The following PCSK6 variants were observed in gnomAD, a reference collection of about 807,000 sequenced individuals.
The protein encoded by PCSK6 is paired basic amino acid cleaving enzyme 4.
In PCSK6, 85 loss-of-function variants were observed where a neutral mutation model predicts 123.3. The observed-to-expected ratio is 0.69, with a 90% confidence interval of 0.58 to 0.83. The LOEUF is 0.83. Ranked by LOEUF, PCSK6 falls within the 40% of genes least tolerant of loss-of-function variation. The probability of loss-of-function intolerance (pLI) is 0.00; values close to 1 mark genes in which losing one functional copy is unlikely to be tolerated. For synonymous variants in PCSK6, 508 were observed against 516.0 expected, an observed-to-expected ratio of 0.98 and a Z score of 0.21; for missense variants, 1,191 against 1,282.3, an observed-to-expected ratio of 0.93 and a Z score of 1.09.
intron 13 of PCSK6, among the ~76,000 whole-genome samples, chr15:101,338,567 C>A (rs1433946303): frequency 6.6e-6 from 1 of 152,252 alleles, no homozygotes; most frequent in Non-Finnish European, 1.5e-5. Flanking sequence ...CACCCAGAGG[C>A]AGTCAGATTT....
At chr15:101,424,076 T>C (rs557936286) in intron 6 of PCSK6, among the ~76,000 whole-genome samples, 1 of 151,016 alleles carries the variant, frequency 6.6e-6, no homozygotes, top group Non-Finnish European at 1.5e-5. Flanking sequence ...AAGGTGTGTG[T>C]TTTTTTTAAT....
At chr15:101,476,613 TCTG>T (rs1433047262) in intron 1 of PCSK6, among the ~76,000 whole-genome samples, 1 of 150,762 alleles carries the variant, frequency 6.6e-6, no homozygotes, top group Non-Finnish European at 1.5e-5. Context: ...TGCGCACGTA[TCTG>T]TCTGTTAAGG....
intron 6 of PCSK6, among the ~76,000 whole-genome samples, chr15:101,417,246 C>T (rs530697892): frequency 1.1e-4 from 16 of 152,316 alleles, no homozygotes; most frequent in Non-Finnish European, 1.9e-4. Flanking sequence ...ATGATTCTGA[C>T]GCCTCCCCAG....
chr15:101,450,298 C>A (rs2057000845), intron 1 of PCSK6, among the ~76,000 whole-genome samples: 1 of 152,170 alleles, frequency 6.6e-6, no homozygotes, highest in African/African-American at 2.4e-5. Flanking sequence ...AGCCACAGGC[C>A]TGGCCCTGCC....
At chr15:101,359,755 G>A (rs778878076) in intron 13 of PCSK6, among the ~76,000 whole-genome samples, 7 of 152,236 alleles carry the variant, frequency 4.6e-5, no homozygotes, top group Non-Finnish European at 8.8e-5. Flanking sequence ...CCTAAAGCTC[G>A]CTCAGCACCC....
chr15:101,411,147 C>G (rs2055667904), intron 6 of PCSK6, among the ~76,000 whole-genome samples: 1 of 152,186 alleles, frequency 6.6e-6, no homozygotes, highest in Non-Finnish European at 1.5e-5. Flanking sequence ...AAGCAGAGGG[C>G]ATCAGGTAGC....
chr15:101,388,831 A>C (rs144246312), intron 9 of PCSK6, among the ~76,000 whole-genome samples: 8 of 152,360 alleles, frequency 5.3e-5, no homozygotes, highest in Non-Finnish European at 1.0e-4. Flanking sequence ...CACTTACATG[A>C]GGCACCTAAA....
At chr15:101,444,261 C>T (rs556079144) in intron 1 of PCSK6, among the ~76,000 whole-genome samples, 221 of 152,278 alleles carry the variant, frequency 1.5e-3, no homozygotes, top group African/African-American at 4.1e-3. Flanking sequence ...GCTTGAGGAC[C>T]GGATGGAACC....
intron 13 of PCSK6, 141 bp from the exon 14 acceptor site, chr15:101,332,172 C>T: frequency 2.8e-6 from 2 of 703,256 alleles, no homozygotes; most frequent in Non-Finnish European, 4.6e-6. Flanking sequence ...ACCTGCTGGC[C>T]AGCTGTGCAC....
At chr15:101,307,540 G>A (rs1424901943) in intron 20 of PCSK6, 1 of 512,514 alleles carries the variant, frequency 2.0e-6, no homozygotes, top group South Asian at 2.4e-5. Flanking sequence ...TGGGAGGGCA[G>A]AGACAGCCAT....
At position 101,487,949 on chromosome 15, in the gene PCSK6, T is replaced by TTA. The variant is rs139967509; in HGVS notation, c.297+1423_297+1424dup. On this transcript the variant is annotated intron_variant, in intron 1 of 21. Coordinates refer to ENST00000611716, the MANE Select transcript of PCSK6 (RefSeq NM_002570.5). ...TGTATATGTGTATATATGTAACATT[T>TTA]TATATATATATATGCATATATTTAA... is the stretch of plus-strand genomic sequence containing the variant. 7.6e-3 allele frequency among the ~76,000 whole-genome samples: 1,160 copies of TTA among 151,880 alleles called. 25 individuals carry two copies. Among genetic ancestry groups the TTA allele is most frequent in the African/African-American group, 0.026 (1,087 of 41,450 alleles).
intron 11 of PCSK6, among the ~76,000 whole-genome samples, chr15:101,374,714 G>A (rs2041683910): frequency 6.6e-6 from 1 of 152,216 alleles, no homozygotes; most frequent in African/African-American, 2.4e-5. Flanking sequence ...GGAGTGAATG[G>A]AATGGCAAGA....
chr15:101,390,790 G>T (rs746516602), intron 8 of PCSK6, among the ~76,000 whole-genome samples: 4 of 152,200 alleles, frequency 2.6e-5, no homozygotes, highest in Non-Finnish European at 4.4e-5. Context: ...GAGACTCAAA[G>T]CAGAGACTCG....
At chr15:101,307,944 G>T (rs370796241) in intron 20 of PCSK6, 1 of 152,730 alleles carries the variant, frequency 6.5e-6, no homozygotes, top group African/African-American at 2.4e-5. Context: ...CTCAGGGGAC[G>T]GTTGGTGCAC....
chr15:101,304,247 C>T lies in PCSK6; in HGVS notation c.*1011G>A, dbSNP rs1359152414. On this transcript the variant is annotated 3_prime_UTR_variant, in exon 22 of 22. Coordinates refer to ENST00000611716, the MANE Select transcript of PCSK6 (RefSeq NM_002570.5). ...TTAGAACATGTAGCTTATAAAATGC[C>T]TACACAGGTTTGGCAGAATAAATCC... is the stretch of plus-strand genomic sequence containing the variant. 3.3e-5 allele frequency: 5 copies of T among 152,518 alleles called. No homozygotes were observed. Among genetic ancestry groups the T allele is most frequent in the African/African-American group, 1.2e-4 (5 of 41,430 alleles). 9.4% of individuals were successfully genotyped at this position (152,518 alleles called of 1,614,324 possible). A position where few individuals can be genotyped will look rare whatever the true frequency, so the allele number is the denominator to read the frequency against.
intron 13 of PCSK6, among the ~76,000 whole-genome samples, chr15:101,341,244 TG>T (rs771745586): frequency 5.7e-5 from 7 of 122,568 alleles, no homozygotes; most frequent in East Asian, 2.6e-4. Context: ...GCCAAAAGTG[TG>T]GGGTTTTTTT....
At chr15:101,489,304 G>C in intron 1 of PCSK6, 70 bp downstream of exon 1, 6 of 979,226 alleles carry the variant, frequency 6.1e-6, no homozygotes, top group Non-Finnish European at 7.4e-6. Flanking sequence ...CAGGACTGCG[G>C]AGGCGCCCCC....
intron 1 of PCSK6, among the ~76,000 whole-genome samples, chr15:101,477,429 A>G (rs1175579210): frequency 6.6e-6 from 1 of 152,230 alleles, no homozygotes; most frequent in Non-Finnish European, 1.5e-5. Context: ...AAAATCTAAA[A>G]TAATTGGAAC....
At chr15:101,413,447 T>C (rs1447741438) in intron 6 of PCSK6, among the ~76,000 whole-genome samples, 2 of 149,624 alleles carry the variant, frequency 1.3e-5, no homozygotes, top group Non-Finnish European at 3.0e-5. Flanking sequence ...AGTGTTCAAG[T>C]AACCCACAGG....
Sources: gnomAD v4.1 joint callset for allele counts (sites outside exome capture counted in the v4.1 genomes callset) on GRCh38, gnomAD v4.1.1 for gene constraint, MANE v1.5 for transcripts, NCBI Gene and HGNC (gene_info 2026-07-23, HGNC 2026-07-21) for gene names.